SIN3A: variants seen among roughly 807,000 people sequenced by gnomAD.
SIN3A encodes paired amphipathic helix protein Sin3a.
SIN3A carries 14 observed loss-of-function variants against 146.1 expected under a neutral mutation model. The ratio of observed to expected loss-of-function variants is 0.10; its 90% CI spans 0.06 to 0.15. The LOEUF is 0.15. Ranked by LOEUF, SIN3A falls within the 10% of genes least tolerant of loss-of-function variation. The pLI is 1.00. For synonymous variants in SIN3A, 572 were observed against 572.0 expected (o/e 1.00, Z 0.00); for missense variants, 1,028 against 1,576.0 (o/e 0.65, Z 5.89).
chr15:75,428,215 C>G (rs2073959729), intron 2 of SIN3A, among the ~76,000 whole-genome samples: 1 of 152,198 alleles, frequency 6.6e-6, no homozygotes, highest in South Asian at 2.1e-4. Flanking sequence ...ACTTGACAAA[C>G]TCTTGTATGT....
intron 18 of SIN3A, 61 bp from the exon 19 acceptor site, chr15:75,380,784 TG>T: frequency 9.0e-7 from 1 of 1,111,868 alleles, no homozygotes; most frequent in Non-Finnish European, 1.4e-6. Context: ...CCTAATGCAT[TG>T]GGCACTCTAG....
chr15:75,400,115 C>T lies in SIN3A; in HGVS notation c.1779G>A (p.Glu593=). 6.2e-7 allele frequency: 1 copy of T among 1,611,570 alleles called. No homozygotes were observed. The highest frequency in any genetic ancestry group is 1.1e-5 in the South Asian group (1 of 91,020). ...TCTTGGAACTCACAAAGGTAGAGTCCTCAGACCACGAAGGGAAGGAAACCC... is the reference window on the plus strand; with the variant it reads ...TCTTGGAACTCACAAAGGTAGAGTCTTCAGACCACGAAGGGAAGGAAACCC... ...DTWVSFPSWS[E]DSTFVSSKKT... is the part of the protein sequence containing the mutation. Residue 593 remains glutamate, a synonymous_variant, in exon 12 of 21, where the codon GAG becomes GAA. Transcript: ENST00000394947.
rs553968741 is a variant in SIN3A at position 75,450,780 on chromosome 15, G to T, written c.-34+643C>A. ...CCCTCCCCACGGAGACATAGGGCGG[G>T]GCAGATCTAGGCGCCGAGACTCCCA... On this transcript the variant is annotated intron_variant, in intron 1 of 20. Transcript: ENST00000394947. Among the ~76,000 whole-genome samples, 512 of 152,316 alleles carry T rather than the reference G, an allele frequency of 3.4e-3. 5 individuals are homozygous for T. The highest frequency in any genetic ancestry group is 3.4e-3 in the Admixed American group (52 of 15,310).
chr15:75,424,201 G>A (rs551200679), intron 2 of SIN3A, among the ~76,000 whole-genome samples: 5 of 152,106 alleles, frequency 3.3e-5, no homozygotes, highest in Non-Finnish European at 5.9e-5. Flanking sequence ...GGGAGGCCGA[G>A]GTGGGCGGAT....
intron 16 of SIN3A, among the ~76,000 whole-genome samples, chr15:75,386,484 C>G (rs2073082767): frequency 3.3e-5 from 5 of 152,198 alleles, no homozygotes. Context: ...ATCAGATTCT[C>G]TATCTTGCTA....
chr15:75,416,029 C>T (rs914742525), intron 3 of SIN3A: 5 of 319,738 alleles, frequency 1.6e-5, no homozygotes, highest in East Asian at 8.4e-5. Context: ...GAAACATGTG[C>T]ATTTTTGGTA....
At chr15:75,403,709 G>GT (rs1308431279) in intron 9 of SIN3A, among the ~76,000 whole-genome samples, 24 of 151,426 alleles carry the variant, frequency 1.6e-4, no homozygotes, top group Admixed American at 7.9e-4. Flanking sequence ...CCCAGCTAAT[G>GT]TTTTTTTTGT....
At chr15:75,415,852 A>AG (rs1313486676) in intron 3 of SIN3A, 11 of 145,126 alleles carry the variant, frequency 7.6e-5, no homozygotes, top group Non-Finnish European at 7.7e-5. Flanking sequence ...ACTCGGTCTC[A>AG]GGAAAAAAAA....
intron 20 of SIN3A, 77 bp downstream of exon 20, chr15:75,375,588 A>G: frequency 8.7e-7 from 1 of 1,150,198 alleles, no homozygotes; most frequent in South Asian, 1.3e-5. Flanking sequence ...AAGAAAAACA[A>G]TCAGAAGACT....
chr15:75,450,192 A>C (rs1022479801), intron 1 of SIN3A, among the ~76,000 whole-genome samples: 5 of 151,346 alleles, frequency 3.3e-5, no homozygotes, highest in Admixed American at 3.3e-4. Flanking sequence ...AAAAAAAAAA[A>C]CAAACCCTAC....
intron 3 of SIN3A, among the ~76,000 whole-genome samples, chr15:75,417,861 T>C (rs968178392): frequency 1.3e-5 from 2 of 152,118 alleles, no homozygotes; most frequent in African/African-American, 2.4e-5. Context: ...TGAATGGGAT[T>C]AGGGACCTTA....
At chr15:75,422,911 G>A (rs1352757693) in intron 2 of SIN3A, 88 bp from the exon 3 acceptor site, 1 of 1,390,894 alleles carries the variant, frequency 7.2e-7, no homozygotes, top group East Asian at 2.3e-5. Context: ...AATGCACAAA[G>A]ATAATTAATT....
At chr15:75,413,075 A>T (rs1487603264) in intron 4 of SIN3A, 30 bp from the exon 5 acceptor site, 2 of 1,569,684 alleles carry the variant, frequency 1.3e-6, no homozygotes, top group Non-Finnish European at 1.7e-6. Context: ...AAAGTGATAA[A>T]CTGTAAGCTT....
At position 75,377,496 on chromosome 15, in the gene SIN3A, G is replaced by A. The variant is rs549908899; in HGVS notation, c.3384-1624C>T. Among the ~76,000 whole-genome samples the A allele has an allele frequency of 4.5e-4, 69 of 151,894 alleles. 1 individual carries two copies. The highest frequency in any genetic ancestry group is 1.2e-3 in the Admixed American group (19 of 15,246). On this transcript the variant is annotated intron_variant, in intron 19 of 20. Coordinates refer to ENST00000394947, the MANE Select transcript of SIN3A (RefSeq NM_001145358.2). ...AAAAATTAGCCGGGAGTGGTGGCGC[G>A]CACCTGTAATCCCAGCTATTCGGGA...
chr15:75,383,460 G>A (rs1267665303), intron 17 of SIN3A, among the ~76,000 whole-genome samples: 1 of 151,164 alleles, frequency 6.6e-6, no homozygotes, highest in Non-Finnish European at 1.5e-5. Flanking sequence ...GTCTTGCTCT[G>A]TCACCCAGGC....
At chr15:75,451,066 G>C (rs1285338241) in intron 1 of SIN3A, among the ~76,000 whole-genome samples, 9 of 104,094 alleles carry the variant, frequency 8.6e-5, no homozygotes, top group African/African-American at 3.4e-4. Context: ...CCGCCAGCCC[G>C]AGGCCCCGCC....
rs141700684 is a variant in SIN3A, at chr15:75,375,845, T to C, written c.3411A>G (p.Gln1137=). The C allele has an allele frequency of 1.4e-5, 22 of 1,614,186 alleles. No homozygotes were observed. In the African/African-American group the frequency reaches 1.5e-4, roughly 11 times the overall value. The change falls in exon 20 of 21, where the codon CAA becomes CAG. Residue 1137 remains glutamine (Q), a synonymous_variant. Coordinates refer to ENST00000394947, the MANE Select transcript of SIN3A (RefSeq NM_001145358.2). The part of the protein sequence containing the change: ...PRNLRRIRKC[Q]RGREQQEKEG... ...CCTTTTCCTGCTGCTCTCGACCACG[T>C]TGACACTTCCGGATCCGCCGTAGAT...
chr15:75,416,313 A>C (rs1262789675), intron 3 of SIN3A, among the ~76,000 whole-genome samples: 15 of 152,038 alleles, frequency 9.9e-5, no homozygotes, highest in Non-Finnish European at 2.2e-4. Flanking sequence ...TATAGAAGAA[A>C]TTCCCTGACT....
upstream of SIN3A, among the ~76,000 whole-genome samples, chr15:75,452,712 AG>A: frequency 6.6e-6 from 1 of 152,360 alleles, no homozygotes; most frequent in South Asian, 2.1e-4. Context: ...GTGAGGCACA[AG>A]GTACTCACGA....
Sources: allele counts gnomAD v4.1 joint callset (sites outside exome capture counted in the v4.1 genomes callset), GRCh38; gene constraint gnomAD v4.1.1; transcripts MANE v1.5; gene names NCBI Gene and HGNC (gene_info 2026-07-23, HGNC 2026-07-21).